The following TAF5L variants were observed in gnomAD, a reference collection of about 807,000 sequenced individuals.
TAF5L encodes the protein TATA-box binding protein associated factor 5 like.
A neutral mutation model predicts 51.3 loss-of-function variants in TAF5L; 7 were observed. That is an observed-to-expected ratio of 0.14 (90% confidence interval 0.08 to 0.26). TAF5L has a LOEUF of 0.26. Among genes scored for constraint, TAF5L ranks in the 10% least tolerant of loss-of-function variants. The pLI is 1.00. For synonymous variants in TAF5L, 291 were observed against 308.1 expected, an observed-to-expected ratio of 0.94 and a Z score of 0.58; for missense variants, 575 against 758.9, an observed-to-expected ratio of 0.76 and a Z score of 2.85.
rs555300358 is a variant in TAF5L at position 229,618,787 on chromosome 1, G to A, written c.-3-4302C>T. On this transcript the variant is annotated intron_variant, in intron 1 of 4. Transcript: ENST00000258281. ...CCGTTAGGCTCTAATGTACACGGTCGGTAGAGGAGGGCTGGGAGGCACCCT... is the reference window on the plus strand; with the variant it reads ...CCGTTAGGCTCTAATGTACACGGTCAGTAGAGGAGGGCTGGGAGGCACCCT... Among the ~76,000 whole-genome samples, 9 of 151,978 alleles carry A rather than the reference G, an allele frequency of 5.9e-5. No homozygotes were observed. The East Asian group carries it at 1.4e-3, about 23-fold the overall frequency.
chr1:229,625,814 C>G lies in TAF5L; in HGVS notation c.-4+71G>C, dbSNP rs1172334857. 1 of 138,168 alleles carries G rather than the reference C, an allele frequency of 7.2e-6. No individual in the cohort carries two copies. Among genetic ancestry groups the G allele is most frequent in the South Asian group, 2.3e-4 (1 of 4,432 alleles). 8.6% of individuals were successfully genotyped at this position (138,168 alleles called of 1,614,324 possible). A position where few individuals can be genotyped will look rare whatever the true frequency, so the allele number is the denominator to read the frequency against. ...CCCGCCGAGGCCCCACCGCCCCGGC[C>G]CCCGCCCGCCCGCGCGCGCGCGCGC... On this transcript the variant is annotated intron_variant, in intron 1 of 4. Coordinates refer to ENST00000258281, the Ensembl canonical transcript of TAF5L. The surrounding 1 kb of genome is among the most constrained non-coding windows in gnomAD (Gnocchi z 4.0).
intron 4 of TAF5L, chr1:229,600,044 T>C: frequency 1.0e-6 from 1 of 979,260 alleles, no homozygotes. Context: ...AGAGTCTCTA[T>C]TTTATTTTTT....
chr1:229,595,140 T>C (rs1256496517), intron 4 of TAF5L, 46 bp from the exon 5 acceptor site: 1 of 1,524,072 alleles, frequency 6.6e-7, no homozygotes, highest in East Asian at 2.3e-5. Flanking sequence ...ACACAAAAAA[T>C]GTTCAGTGGT....
chr1:229,613,353 AAAG>A (rs371399557), intron 2 of TAF5L, among the ~76,000 whole-genome samples: 37 of 150,698 alleles, frequency 2.5e-4, no homozygotes, highest in Admixed American at 4.6e-4. Context: ...AAAAAAGAAG[AAAG>A]AAGAAGAAGA....
At chr1:229,619,044 T>C (rs1467140207) in intron 1 of TAF5L, among the ~76,000 whole-genome samples, 3 of 152,224 alleles carry the variant, frequency 2.0e-5, no homozygotes, top group Non-Finnish European at 4.4e-5. Context: ...GGCAAATTTA[T>C]GTTTATAACA....
chr1:229,606,989 T>C lies in TAF5L; in HGVS notation c.247+3117A>G, dbSNP rs1027588104. 18 of 985,362 alleles carry C rather than the reference T, an allele frequency of 1.8e-5. No homozygotes were observed. In the African/African-American group the frequency reaches 2.8e-4, roughly 15 times the overall value. 61.0% of individuals were successfully genotyped at this position (985,362 alleles called of 1,614,324 possible). On this transcript the variant is annotated intron_variant, in intron 3 of 4. Transcript: ENST00000258281. ...CTTAAGACTTTAATTTGCATCTCCA[T>C]GTAGCTGATGCTACATGTTCTTTAT...
At chr1:229,598,418 G>A (rs895349763) in intron 4 of TAF5L, among the ~76,000 whole-genome samples, 5 of 152,122 alleles carry the variant, frequency 3.3e-5, no homozygotes, top group Non-Finnish European at 5.9e-5. Context: ...TTATAGAATT[G>A]AGTATTGCTG....
At position 229,594,665 on chromosome 1, in the gene TAF5L, G is replaced by A. The variant is rs370839630; in HGVS notation, c.1402C>T (p.Arg468Cys). Residue 468 changes from arginine to cysteine, a missense_variant, in exon 5 of 5, where the codon CGT becomes TGT. Arg to Cys is a radical substitution (Grantham distance 180). This residue lies in a region of TAF5L where 104 missense variants were observed against 218.3 expected (regional missense o/e 0.48). Transcript: ENST00000258281. The surrounding 1 kb of genome is among the most constrained non-coding windows in gnomAD (Gnocchi z 7.9). ...AAGGCGAGAGAAAGCACGGGGCCAC[G>A]GTGGCCTGTGAAAAGCCTCACCGAG... 68 of 1,614,174 alleles carry A rather than the reference G, an allele frequency of 4.2e-5. No homozygotes were observed. The highest frequency in any genetic ancestry group is 5.6e-5 in the Non-Finnish European group (66 of 1,180,052).
chr1:229,597,549 G>A (rs1423719595), intron 4 of TAF5L, among the ~76,000 whole-genome samples: 1 of 152,116 alleles, frequency 6.6e-6, no homozygotes, highest in Non-Finnish European at 1.5e-5. Flanking sequence ...TCCCACACGG[G>A]CCTCAGCACG....
intron 4 of TAF5L, among the ~76,000 whole-genome samples, chr1:229,597,185 T>G (rs1209010848): frequency 2.0e-5 from 3 of 152,198 alleles, no homozygotes; most frequent in African/African-American, 7.2e-5. Flanking sequence ...ACCAGATGAA[T>G]TAAACAAAGA....
At position 229,594,171 on chromosome 1, in the gene TAF5L, T is replaced by C; in HGVS notation, c.*126A>G. On this transcript the variant is annotated 3_prime_UTR_variant, in exon 5 of 5. Coordinates refer to ENST00000258281, the Ensembl canonical transcript of TAF5L. The surrounding 1 kb of genome is among the most constrained non-coding windows in gnomAD (Gnocchi z 7.9). ...TGAGTGAAGGGGGACCTGCCCGGAATGAGGGCCCAGGAGAGAGGGGAGGAG... is the reference window on the plus strand; with the variant it reads ...TGAGTGAAGGGGGACCTGCCCGGAACGAGGGCCCAGGAGAGAGGGGAGGAG... 1 of 1,142,768 alleles carries C rather than the reference T, an allele frequency of 8.8e-7. No homozygotes were observed. The allele number at this position is 1,142,768 out of a possible 1,614,324, so 70.8% of individuals were successfully genotyped here. A position where few individuals can be genotyped will look rare whatever the true frequency, so the allele number is the denominator to read the frequency against.
intron 2 of TAF5L, among the ~76,000 whole-genome samples, chr1:229,613,142 A>AC (rs2102759186): frequency 6.8e-6 from 1 of 147,284 alleles, no homozygotes; most frequent in African/African-American, 2.5e-5. Flanking sequence ...ACATGGTAAG[A>AC]CCCCACCTCT....
rs749701255 is a variant in TAF5L, at chr1:229,594,738, C to T, written c.1329G>A (p.Thr443=). 51 of 1,614,016 alleles carry T rather than the reference C, an allele frequency of 3.2e-5. 1 individual carries two copies. Among genetic ancestry groups the T allele is most frequent in the Admixed American group, 2.2e-4 (13 of 59,998 alleles). The change falls in exon 5 of 5, where the codon ACG becomes ACA. Residue 443 remains threonine, a synonymous_variant. Coordinates refer to ENST00000258281, the Ensembl canonical transcript of TAF5L. This position sits in a 1 kb window ranked among gnomAD's most constrained non-coding sequence, Gnocchi z 7.9. ...GCCGGACGGTCTTGTCGGTTGAGCC[C>T]GTGGCCAAGTAGTTTGAATTAGGGT...
rs77407571 is a variant in TAF5L at position 229,599,980 on chromosome 1, T to G, written c.972+2215A>C. On this transcript the variant is annotated intron_variant, in intron 4 of 4. Coordinates refer to ENST00000258281, the Ensembl canonical transcript of TAF5L. ...TCATTAATCCATGTGGCTTCACCAC[T>G]TGCTTTTACCTGTTTGGTTTCTCTA... 3.1e-3 allele frequency: 3,079 copies of G among 985,500 alleles called. 80 individuals carry two copies. In the African/African-American group the frequency reaches 0.048, roughly 15 times the overall value. 61.0% of individuals were successfully genotyped at this position (985,500 alleles called of 1,614,324 possible). A position where few individuals can be genotyped will look rare whatever the true frequency, so the allele number is the denominator to read the frequency against.
At chr1:229,617,790 C>G (rs1281640138) in intron 1 of TAF5L, among the ~76,000 whole-genome samples, 2 of 152,190 alleles carry the variant, frequency 1.3e-5, no homozygotes, top group African/African-American at 4.8e-5. Context: ...TTGCTAGAAA[C>G]TAGTCTGTAA....
chr1:229,620,050 A>C (rs10916528), intron 1 of TAF5L, among the ~76,000 whole-genome samples: 19,535 of 152,068 alleles, frequency 0.13, 1,926 homozygotes, highest in East Asian at 0.42. Flanking sequence ...AAAACAAAAC[A>C]ACCAAAAAGC....
chr1:229,614,294 G>A (rs373544892), intron 2 of TAF5L, 47 bp downstream of exon 2: 83 of 1,614,064 alleles, frequency 5.1e-5, no homozygotes, highest in South Asian at 4.4e-5. Flanking sequence ...ATTGACGTGA[G>A]TTCTCCTGCT....
At chr1:229,620,508 C>T (rs1665163676) in intron 1 of TAF5L, among the ~76,000 whole-genome samples, 1 of 152,176 alleles carries the variant, frequency 6.6e-6, no homozygotes, top group African/African-American at 2.4e-5. Context: ...GCAGGTTGTC[C>T]CCTCTTGCCA....
chr1:229,593,222 TCAGAG>T (rs1312761541), exon 5 of TAF5L: 1 of 152,216 alleles, frequency 6.6e-6, no homozygotes, highest in Non-Finnish European at 1.5e-5. Context: ...TGCTTTATCC[TCAGAG>T]CATAGTTTGA....
Sources: allele counts gnomAD v4.1 joint callset (sites outside exome capture counted in the v4.1 genomes callset), GRCh38; gene constraint gnomAD v4.1.1; regional missense constraint gnomAD v4.1.1; non-coding constraint Gnocchi (gnomAD v3.1); transcripts MANE v1.5; gene names NCBI Gene and HGNC (gene_info 2026-07-23, HGNC 2026-07-21).